AFAP1L2: variants seen among roughly 807,000 people sequenced by gnomAD.
The protein encoded by AFAP1L2 is actin filament-associated protein 1-like 2.
AFAP1L2 carries 46 observed loss-of-function variants against 99.3 expected under a neutral mutation model. The ratio of observed to expected loss-of-function variants is 0.46; its 90% CI spans 0.37 to 0.59. The LOEUF is 0.59. Among genes scored for constraint, AFAP1L2 ranks in the 20% least tolerant of loss-of-function variants. AFAP1L2 has a pLI of 0.00. For synonymous variants in AFAP1L2, 397 were observed against 419.1 expected (o/e 0.95, Z 0.64); for missense variants, 959 against 1,034.9 (o/e 0.93, Z 1.01).
intron 1 of AFAP1L2, among the ~76,000 whole-genome samples, chr10:114,341,619 A>T (rs1297227827): frequency 6.6e-6 from 1 of 150,844 alleles, no homozygotes; most frequent in African/African-American, 2.4e-5. Context: ...CTCAAAAAAA[A>T]AAAAGAAAAG....
rs371366660 is a variant in AFAP1L2, at chr10:114,300,371, G to A, written c.1789-9C>T. The A allele has an allele frequency of 1.9e-6, 3 of 1,614,052 alleles. No homozygotes were observed. The highest frequency in any genetic ancestry group is 1.3e-5 in the African/African-American group (1 of 74,926). On this transcript the variant is annotated splice_polypyrimidine_tract_variant and intron_variant, in intron 14 of 18. Coordinates refer to ENST00000304129, the MANE Select transcript of AFAP1L2 (RefSeq NM_001001936.3). ...TCCAAACTCTCCAGCTGCTTTGGGGGAAAGCAGACCTGACTCAGCTGGCTG... is the reference window on the plus strand; with the variant it reads ...TCCAAACTCTCCAGCTGCTTTGGGGAAAAGCAGACCTGACTCAGCTGGCTG...
chr10:114,404,456 C>CG lies in AFAP1L2; in HGVS notation c.-2dup. ...CGCCCTCACCTTTGTACCGCTCCAT[C>CG]GGGGCCACGGAGTGCGCTCCTCGCG... On this transcript the variant is annotated 5_prime_UTR_variant, in exon 1 of 19. Transcript: ENST00000304129. 5 of 1,540,276 alleles carry CG rather than the reference C, an allele frequency of 3.2e-6. No individual in the cohort carries two copies. Among genetic ancestry groups the CG allele is most frequent in the Non-Finnish European group, 4.4e-6 (5 of 1,145,340 alleles).
At chr10:114,315,281 CAA>C in intron 6 of AFAP1L2, among the ~76,000 whole-genome samples, 1 of 138,352 alleles carries the variant, frequency 7.2e-6, no homozygotes, top group Non-Finnish European at 1.6e-5. Context: ...ATCTGTCTCA[CAA>C]AGAGGAGGAT....
Position 114,297,228 on chromosome 10 carries a change from T to G in AFAP1L2, c.2299A>C (p.Ser767Arg), listed in dbSNP as rs2040386436. ...TVDTTHLENV[S>R]PRPKAVTPAS... is the part of the protein sequence containing the mutation. ...GCAGTTCCAGCACTCACGCGGGGGC[T>G]CACATTCTCCAGGTGGGTGGTGTCC... Residue 767 changes from serine (S) to arginine (R), a missense_variant, in exon 17 of 19, where the codon AGC (serine) becomes CGC (arginine). Physicochemically the swap from Ser to Arg is moderately radical, Grantham distance 110. Transcript: ENST00000304129. 6.9e-7 allele frequency: 1 copy of G among 1,451,466 alleles called. No homozygotes were observed. The highest frequency in any genetic ancestry group is 3.3e-5 in the East Asian group (1 of 30,250). The allele number at this position is 1,451,466 out of a possible 1,614,324, so 89.9% of individuals were successfully genotyped here.
At chr10:114,323,123 G>A (rs752479320) in intron 5 of AFAP1L2, 48 bp downstream of exon 5, 21 of 1,508,846 alleles carry the variant, frequency 1.4e-5, no homozygotes, top group Non-Finnish European at 1.9e-5. Context: ...CAACATCTGT[G>A]CAGGAAGCAG....
chr10:114,291,367 C>T (rs1033397449), downstream of AFAP1L2: 224 of 1,154,576 alleles, frequency 1.9e-4, no homozygotes, highest in Non-Finnish European at 7.6e-5. Context: ...GTCTGCTTCC[C>T]GCCGTGGCCA....
chr10:114,327,260 G>T (rs2046514573), intron 4 of AFAP1L2, among the ~76,000 whole-genome samples: 1 of 146,062 alleles, frequency 6.8e-6, no homozygotes, highest in African/African-American at 2.5e-5. Flanking sequence ...CAGCTCCCAG[G>T]TTCAAGTGAT....
rs1352346121 is a variant in AFAP1L2 at position 114,323,079 on chromosome 10, T to A, written c.406+92A>T. On this transcript the variant is annotated intron_variant, in intron 5 of 18. Transcript: ENST00000304129. ...CTACCCTCTGTCACCCAGCCCAGGA[T>A]GAGTGTATCTGTTACCCCCAGGTAA... The A allele has an allele frequency of 1.0e-5, 12 of 1,164,218 alleles. No homozygotes were observed. In the East Asian group the frequency reaches 3.1e-4, roughly 30 times the overall value. The allele number at this position is 1,164,218 out of a possible 1,614,324, so 72.1% of individuals were successfully genotyped here.
At chr10:114,300,752 G>A (rs2041016982) in intron 13 of AFAP1L2, 62 bp from the exon 14 acceptor site, 1 of 1,522,964 alleles carries the variant, frequency 6.6e-7, no homozygotes, top group African/African-American at 1.4e-5. Context: ...CTGTGGAGGG[G>A]GTACCAGCCC....
Position 114,295,167 on chromosome 10 carries a change from A to G in AFAP1L2, c.*875T>C, listed in dbSNP as rs2040008071. The G allele has an allele frequency of 2.0e-6, 2 of 985,740 alleles. No individual in the cohort carries two copies. Among genetic ancestry groups the G allele is most frequent in the Non-Finnish European group, 2.4e-6 (2 of 829,816 alleles). The allele number at this position is 985,740 out of a possible 1,614,324, so 61.1% of individuals were successfully genotyped here. A position where few individuals can be genotyped will look rare whatever the true frequency, so the allele number is the denominator to read the frequency against. On this transcript the variant is annotated 3_prime_UTR_variant, in exon 19 of 19. Transcript: ENST00000304129. ...AACATTAAACAGAACTTAAAATCAGAGACTATTTATATTAAATAACTCTTC... is the reference window on the plus strand; with the variant it reads ...AACATTAAACAGAACTTAAAATCAGGGACTATTTATATTAAATAACTCTTC...
chr10:114,359,586 C>T lies in AFAP1L2; in HGVS notation c.17-18855G>A, dbSNP rs150350064. ...ATGAGTTCATGGGGAGTTAGAACTG[C>T]TAAAGGAAGGTAAAGGTTGGCTGGC... On this transcript the variant is annotated intron_variant, in intron 1 of 18. Coordinates refer to ENST00000304129, the MANE Select transcript of AFAP1L2 (RefSeq NM_001001936.3). 3.7e-3 allele frequency among the ~76,000 whole-genome samples: 566 copies of T among 152,238 alleles called. 2 individuals are homozygous for T. Among genetic ancestry groups the T allele is most frequent in the African/African-American group, 0.013 (538 of 41,548 alleles).
chr10:114,368,126 C>T (rs2053552501), intron 1 of AFAP1L2, among the ~76,000 whole-genome samples: 1 of 152,132 alleles, frequency 6.6e-6, no homozygotes, highest in Middle Eastern at 3.2e-3. Flanking sequence ...TATTATTCGG[C>T]CTTAAAAAGA....
At chr10:114,386,760 G>C (rs1359470962) in intron 1 of AFAP1L2, among the ~76,000 whole-genome samples, 1 of 152,242 alleles carries the variant, frequency 6.6e-6, no homozygotes, top group Non-Finnish European at 1.5e-5. Context: ...AGCACACCCA[G>C]CAACGGCACA....
intron 1 of AFAP1L2, among the ~76,000 whole-genome samples, chr10:114,354,878 A>G (rs1205752272): frequency 1.3e-5 from 2 of 152,232 alleles, no homozygotes; most frequent in African/African-American, 2.4e-5. Flanking sequence ...CCCTTTTCAC[A>G]TAAGCTAGGC....
At chr10:114,287,088 C>G in the AFAP1L2 span, among the ~76,000 whole-genome samples, 2 of 152,226 alleles carry the variant, frequency 1.3e-5, no homozygotes, top group Non-Finnish European at 2.9e-5. Flanking sequence ...AGCCATGAAG[C>G]TGATTTTTTA....
At chr10:114,403,238 T>C (rs1332237022) in intron 1 of AFAP1L2, among the ~76,000 whole-genome samples, 1 of 152,218 alleles carries the variant, frequency 6.6e-6, no homozygotes. Flanking sequence ...CAAAGACCCT[T>C]CCTGAATATA....
At chr10:114,378,949 T>G (rs1415542206) in intron 1 of AFAP1L2, among the ~76,000 whole-genome samples, 2 of 152,152 alleles carry the variant, frequency 1.3e-5, no homozygotes, top group African/African-American at 4.8e-5. Flanking sequence ...CAGCAGCTCA[T>G]GCCTGTAATC....
intron 11 of AFAP1L2, among the ~76,000 whole-genome samples, chr10:114,304,137 A>G (rs1443990175): frequency 1.3e-5 from 2 of 152,200 alleles, no homozygotes; most frequent in Non-Finnish European, 2.9e-5. Flanking sequence ...GGATTGGAGC[A>G]AAGTTTGGAT....
chr10:114,289,529 G>A, the AFAP1L2 span: 16 of 1,607,616 alleles, frequency 1.0e-5, no homozygotes, highest in South Asian at 1.3e-4. Flanking sequence ...TGCCCCCATG[G>A]CAGGCCCTCA....
Sources: allele counts gnomAD v4.1 joint callset (sites outside exome capture counted in the v4.1 genomes callset), GRCh38; gene constraint gnomAD v4.1.1; transcripts MANE v1.5; gene names NCBI Gene and HGNC (gene_info 2026-07-23, HGNC 2026-07-21).